SVOPL: variants seen among roughly 807,000 people sequenced by gnomAD.
SVOPL encodes putative transporter SVOPL.
In SVOPL, 60 loss-of-function variants were observed where a neutral mutation model predicts 61.0. The observed-to-expected ratio is 0.98, with a 90% CI of 0.80 to 1.22. The LOEUF (loss-of-function observed/expected upper bound fraction) is 1.22. Ranked by LOEUF, SVOPL falls within the 50% of genes most tolerant of loss-of-function variation. SVOPL has a pLI of 0.00. For synonymous variants in SVOPL, 279 were observed against 250.0 expected (o/e 1.12, Z -1.09); for missense variants, 662 against 643.9 (o/e 1.03, Z -0.30).
chr7:138,685,939 G>A (rs1009056657), intron 1 of SVOPL, among the ~76,000 whole-genome samples: 17 of 152,092 alleles, frequency 1.1e-4, no homozygotes, highest in African/African-American at 2.4e-4. Flanking sequence ...TAGCTTTATG[G>A]CATAGATGGT....
intron 3 of SVOPL, among the ~76,000 whole-genome samples, chr7:138,674,216 C>CACAT (rs1491246272): frequency 2.6e-5 from 4 of 151,482 alleles, no homozygotes; most frequent in Non-Finnish European, 5.9e-5. Flanking sequence ...CACACACACA[C>CACAT]ACATACACAG....
intron 5 of SVOPL, chr7:138,660,361 T>C (rs1801950681): frequency 2.0e-6 from 2 of 993,964 alleles, no homozygotes; most frequent in Admixed American, 5.7e-5. Context: ...AGGTATTTGC[T>C]TTTTCTTTAA....
chr7:138,675,989 C>T (rs1418321532), intron 3 of SVOPL, among the ~76,000 whole-genome samples: 3 of 152,174 alleles, frequency 2.0e-5, no homozygotes, highest in African/African-American at 7.2e-5. Flanking sequence ...CAGACACATG[C>T]CACCACACAT....
intron 7 of SVOPL, among the ~76,000 whole-genome samples, chr7:138,655,189 CA>C (rs539320798): frequency 2.0e-5 from 3 of 149,654 alleles, no homozygotes; most frequent in Non-Finnish European, 3.0e-5. Context: ...GACCCTGTCT[CA>C]AAAAAAAGAA....
intron 14 of SVOPL, among the ~76,000 whole-genome samples, chr7:138,605,185 T>A (rs1798697962): frequency 7.0e-6 from 1 of 142,572 alleles, no homozygotes. Context: ...TTTCCTGACA[T>A]TTATTTAAAA....
chr7:138,676,038 G>A (rs1047267110), intron 3 of SVOPL, among the ~76,000 whole-genome samples: 1 of 152,182 alleles, frequency 6.6e-6, no homozygotes, highest in Admixed American at 6.5e-5. Context: ...GTTTCACTAT[G>A]TTGGCCAGGC....
At chr7:138,660,697 TG>T (rs1313513163) in intron 5 of SVOPL, 5 of 985,312 alleles carry the variant, frequency 5.1e-6, no homozygotes, top group Non-Finnish European at 6.0e-6. Flanking sequence ...GCTAGATTTC[TG>T]GAAGACAAAT....
chr7:138,683,428 C>T (rs565957506), intron 1 of SVOPL, among the ~76,000 whole-genome samples: 4 of 152,080 alleles, frequency 2.6e-5, no homozygotes, highest in South Asian at 2.1e-4. Flanking sequence ...GGTGCAGTGG[C>T]GGGATCTCAT....
intron 13 of SVOPL, among the ~76,000 whole-genome samples, chr7:138,623,012 C>T (rs887341733): frequency 6.6e-6 from 1 of 152,192 alleles, no homozygotes; most frequent in African/African-American, 2.4e-5. Flanking sequence ...ATATAGCCCC[C>T]TTTAGTTGCC....
intron 1 of SVOPL, chr7:138,689,509 T>G: frequency 4.3e-6 from 3 of 695,492 alleles, no homozygotes; most frequent in East Asian, 2.7e-5. Context: ...AAACAAAAAC[T>G]TATGACACGA....
At chr7:138,659,060 C>T (rs1393162759) in intron 6 of SVOPL, among the ~76,000 whole-genome samples, 2 of 152,174 alleles carry the variant, frequency 1.3e-5, no homozygotes, top group Admixed American at 1.3e-4. Flanking sequence ...TGGTGAGACA[C>T]ATTTACAATC....
At chr7:138,660,714 G>A in intron 5 of SVOPL, 4 of 985,374 alleles carry the variant, frequency 4.1e-6, no homozygotes, top group Non-Finnish European at 4.8e-6. Flanking sequence ...CAAATGTTCA[G>A]GTTAGCAGAA....
intron 14 of SVOPL, among the ~76,000 whole-genome samples, chr7:138,607,257 G>GT (rs1420786946): frequency 6.6e-6 from 1 of 152,192 alleles, no homozygotes; most frequent in African/African-American, 2.4e-5. Context: ...AGAGATAGAA[G>GT]TTTGGGGTTC....
chr7:138,660,841 A>G, intron 5 of SVOPL: 1 of 984,326 alleles, frequency 1.0e-6, no homozygotes, highest in African/African-American at 1.7e-5. Context: ...GGTGTTATAT[A>G]TAGTAAGGGT....
intron 4 of SVOPL, among the ~76,000 whole-genome samples, chr7:138,670,837 A>C (rs1324539977): frequency 6.6e-6 from 1 of 152,108 alleles, no homozygotes; most frequent in Non-Finnish European, 1.5e-5. Flanking sequence ...TGGAGTTCTT[A>C]GAAAACTGAC....
chr7:138,634,093 C>T (rs1043442525), intron 9 of SVOPL, among the ~76,000 whole-genome samples: 1 of 152,224 alleles, frequency 6.6e-6, no homozygotes, highest in African/African-American at 2.4e-5. Flanking sequence ...GTACTAGCAG[C>T]TTTTCTCTGT....
chr7:138,611,082 T>C (rs1030421290), intron 14 of SVOPL, among the ~76,000 whole-genome samples: 2 of 152,182 alleles, frequency 1.3e-5, no homozygotes, highest in Non-Finnish European at 2.9e-5. Context: ...TAGTTATTAC[T>C]GATTAAAACC....
rs150085677 is a variant in SVOPL at position 138,596,945 on chromosome 7, T to G, written c.1354-415A>C. 1.7e-5 allele frequency: 19 copies of G among 1,118,734 alleles called. No homozygotes were observed. The South Asian group carries it at 4.3e-4, about 25-fold the overall frequency. 69.3% of individuals were successfully genotyped at this position (1,118,734 alleles called of 1,614,324 possible). A position where few individuals can be genotyped will look rare whatever the true frequency, so the allele number is the denominator to read the frequency against. ...CATTATCTCTTCAGTCCTGACAGCA[T>G]GAAACAGGTGAAAGTTTTTTTTGGA... On this transcript the variant is annotated intron_variant, in intron 14 of 15. Transcript: ENST00000674285.
At chr7:138,621,868 AT>A (rs1799594279) in intron 13 of SVOPL, among the ~76,000 whole-genome samples, 1 of 143,988 alleles carries the variant, frequency 6.9e-6, no homozygotes. Context: ...CTATCTATCT[AT>A]CTATCTATCT....
Sources: gnomAD v4.1 joint callset for allele counts (sites outside exome capture counted in the v4.1 genomes callset) on GRCh38, gnomAD v4.1.1 for gene constraint, MANE v1.5 for transcripts, NCBI Gene and HGNC (gene_info 2026-07-23, HGNC 2026-07-21) for gene names.